CMSS1: variants seen among roughly 807,000 people sequenced by gnomAD.
CMSS1 encodes the protein protein CMSS1.
Under a neutral mutation model 43.5 loss-of-function variants are expected in CMSS1, and 33 were observed. That is an observed-to-expected ratio of 0.76 (90% confidence interval 0.57 to 1.01). CMSS1 has a LOEUF of 1.01. Ranked by LOEUF, CMSS1 falls within the 50% of genes least tolerant of loss-of-function variation. CMSS1 has a pLI of 0.00. For synonymous variants in CMSS1, 115 were observed against 117.2 expected, an observed-to-expected ratio of 0.98 and a Z score of 0.12; for missense variants, 313 against 326.4, an observed-to-expected ratio of 0.96 and a Z score of 0.32.
intron 1 of CMSS1, among the ~76,000 whole-genome samples, chr3:100,125,644 T>C (rs2107495375): frequency 6.6e-6 from 1 of 152,348 alleles, no homozygotes; most frequent in East Asian, 1.9e-4. Flanking sequence ...GTCTCTCTCT[T>C]TTAGCTAGAT....
rs569515244 is a variant in CMSS1, at chr3:100,028,027, G to T, written c.65-118946G>T. Among the ~76,000 whole-genome samples the T allele has an allele frequency of 4.6e-5, 7 of 152,238 alleles. No individual in the cohort carries two copies. The East Asian group carries it at 1.4e-3, about 29-fold the overall frequency. ...TCTAAGTACTGAAATGATGGGGTTG[G>T]ATTTATATTGATTAAATTTTACTCT... On this transcript the variant is annotated intron_variant, in intron 1 of 9. Transcript: ENST00000421999.
At chr3:100,176,534 T>C in intron 9 of CMSS1, 119 bp downstream of exon 9, 1 of 646,822 alleles carries the variant, frequency 1.5e-6, no homozygotes, top group Non-Finnish European at 2.7e-6. Flanking sequence ...AAATGATTTC[T>C]ATCTTTTTTA....
chr3:100,166,770 C>T (rs2067069537), intron 5 of CMSS1, among the ~76,000 whole-genome samples: 1 of 152,182 alleles, frequency 6.6e-6, no homozygotes. Flanking sequence ...CAGGGTCTCA[C>T]TCCATCTCCC....
intron 1 of CMSS1, among the ~76,000 whole-genome samples, chr3:99,937,642 G>A (rs1367595116): frequency 1.3e-5 from 2 of 152,212 alleles, no homozygotes; most frequent in African/African-American, 2.4e-5. Flanking sequence ...TGTTGTTAAT[G>A]TGTGTATCCC....
At chr3:99,835,491 G>A (rs1049629339) in intron 1 of CMSS1, among the ~76,000 whole-genome samples, 3 of 152,178 alleles carry the variant, frequency 2.0e-5, no homozygotes, top group East Asian at 3.9e-4. Flanking sequence ...CTTTTGTTGA[G>A]CACCTACTAT....
intron 1 of CMSS1, among the ~76,000 whole-genome samples, chr3:100,123,717 T>G (rs528602240): frequency 6.6e-6 from 1 of 152,314 alleles, no homozygotes; most frequent in Admixed American, 6.5e-5. Flanking sequence ...AAAGCATTTC[T>G]CTCTGCCTGA....
intron 1 of CMSS1, among the ~76,000 whole-genome samples, chr3:99,937,863 G>C (rs962159195): frequency 6.6e-6 from 1 of 152,212 alleles, no homozygotes; most frequent in Non-Finnish European, 1.5e-5. Flanking sequence ...ACTGTTTTAA[G>C]TGCTTCAGTT....
At chr3:100,055,708 T>C (rs2065453289) in intron 1 of CMSS1, among the ~76,000 whole-genome samples, 3 of 152,234 alleles carry the variant, frequency 2.0e-5, no homozygotes, top group African/African-American at 7.2e-5. Flanking sequence ...TCAAACATTC[T>C]TGAGAGGAGA....
chr3:100,043,996 C>T (rs6799379), intron 1 of CMSS1, among the ~76,000 whole-genome samples: 32,069 of 152,036 alleles, frequency 0.21, 3,511 homozygotes, highest in South Asian at 0.26. Flanking sequence ...GTTCCATCCA[C>T]GTTGTTGGAA....
At chr3:100,064,843 A>G (rs1224867786) in intron 1 of CMSS1, among the ~76,000 whole-genome samples, 3 of 152,094 alleles carry the variant, frequency 2.0e-5, no homozygotes, top group Non-Finnish European at 2.9e-5. Context: ...CCACACAGTA[A>G]AAAGATTGGT....
chr3:100,072,821 T>C (rs187277708), intron 1 of CMSS1, among the ~76,000 whole-genome samples: 3 of 152,066 alleles, frequency 2.0e-5, no homozygotes, highest in Non-Finnish European at 4.4e-5. Context: ...GACTCATGAG[T>C]CACTTCAATA....
chr3:100,109,295 A>C (rs1023756633), intron 1 of CMSS1, among the ~76,000 whole-genome samples: 2 of 152,138 alleles, frequency 1.3e-5, no homozygotes, highest in African/African-American at 4.8e-5. Context: ...TGAAGTTTGA[A>C]GTGGGATTCT....
At chr3:99,841,917 G>T (rs1943150432) in intron 1 of CMSS1, among the ~76,000 whole-genome samples, 1 of 152,196 alleles carries the variant, frequency 6.6e-6, no homozygotes, top group South Asian at 2.1e-4. Flanking sequence ...ATGGAAAACA[G>T]TGTGGAGATT....
intron 1 of CMSS1, among the ~76,000 whole-genome samples, chr3:100,087,654 G>A (rs2066034125): frequency 6.6e-6 from 1 of 151,716 alleles, no homozygotes; most frequent in Non-Finnish European, 1.5e-5. Flanking sequence ...TAACTTGCGA[G>A]TTTTTTTCCC....
chr3:99,965,798 T>A (rs1452923431), intron 1 of CMSS1, among the ~76,000 whole-genome samples: 1 of 152,144 alleles, frequency 6.6e-6, no homozygotes, highest in African/African-American at 2.4e-5. Context: ...TAAATGAAAA[T>A]GCTTTATAAA....
At chr3:100,033,116 T>C (rs2065046970) in intron 1 of CMSS1, among the ~76,000 whole-genome samples, 1 of 152,110 alleles carries the variant, frequency 6.6e-6, no homozygotes, top group Non-Finnish European at 1.5e-5. Context: ...CTGGATAGCA[T>C]TACTTTATAA....
chr3:99,920,228 G>A (rs1707082830), intron 1 of CMSS1, among the ~76,000 whole-genome samples: 1 of 151,960 alleles, frequency 6.6e-6, no homozygotes, highest in African/African-American at 2.4e-5. Context: ...AGAATTCTAA[G>A]AAAGAATGCA....
At chr3:100,160,645 C>T (rs1394934429) in intron 3 of CMSS1, 144 bp downstream of exon 3, 1 of 573,918 alleles carries the variant, frequency 1.7e-6, no homozygotes, top group Non-Finnish European at 3.2e-6. Flanking sequence ...TGGTGACTTT[C>T]CTAAGGTCAC....
intron 1 of CMSS1, among the ~76,000 whole-genome samples, chr3:99,960,807 A>G (rs147192916): frequency 6.6e-6 from 1 of 152,290 alleles, no homozygotes; most frequent in Non-Finnish European, 1.5e-5. Context: ...CTGTTAATTT[A>G]TGTGCCCTTG....
Sources: allele counts gnomAD v4.1 joint callset (sites outside exome capture counted in the v4.1 genomes callset), GRCh38; gene constraint gnomAD v4.1.1; transcripts MANE v1.5; gene names NCBI Gene and HGNC (gene_info 2026-07-23, HGNC 2026-07-21).